Variants in RAMP1 observed in about 807,000 individuals in gnomAD.
RAMP1 encodes receptor activity-modifying protein 1.
A neutral mutation model predicts 8.2 loss-of-function variants in RAMP1; 7 were observed. The observed-to-expected ratio is 0.85, with a 90% CI of 0.49 to 1.60. The LOEUF is 1.60. RAMP1 is among the 40% of genes most tolerant of loss of function. The probability of loss-of-function intolerance (pLI) is 0.00; values close to 1 mark genes in which losing one functional copy is unlikely to be tolerated. For missense variants in RAMP1, 192 were observed against 202.4 expected (o/e 0.95, Z 0.31); for synonymous variants, 92 against 84.7 (o/e 1.09, Z -0.47).
chr2:237,909,615 C>T (rs1176681462), intron 2 of RAMP1, among the ~76,000 whole-genome samples: 1 of 152,140 alleles, frequency 6.6e-6, no homozygotes, highest in Admixed American at 6.6e-5. Flanking sequence ...GGGCTCTACC[C>T]ACGGCCAGTG....
chr2:237,860,924 A>T (rs2062127694), intron 1 of RAMP1, among the ~76,000 whole-genome samples: 1 of 152,146 alleles, frequency 6.6e-6, no homozygotes, highest in Admixed American at 6.5e-5. Context: ...GATATAATAT[A>T]ATCTGAAAGC....
chr2:237,897,442 C>T (rs34438095), intron 2 of RAMP1, among the ~76,000 whole-genome samples: 29,698 of 152,192 alleles, frequency 0.2, 3,361 homozygotes, highest in East Asian at 0.29. Context: ...TCCACAGCAG[C>T]GAGAACACTG....
chr2:237,868,099 A>G (rs970088376), intron 1 of RAMP1, among the ~76,000 whole-genome samples: 1 of 147,852 alleles, frequency 6.8e-6, no homozygotes, highest in Non-Finnish European at 1.5e-5. Flanking sequence ...GCTGGAGTGC[A>G]GTGGAGCGAT....
At chr2:237,907,510 C>T (rs1465414470) in intron 2 of RAMP1, among the ~76,000 whole-genome samples, 1 of 151,720 alleles carries the variant, frequency 6.6e-6, no homozygotes. Context: ...TTTTCCCTCA[C>T]TTTTTTTTCT....
At chr2:237,902,178 G>A (rs1184566992) in intron 2 of RAMP1, among the ~76,000 whole-genome samples, 4 of 152,080 alleles carry the variant, frequency 2.6e-5, no homozygotes, top group South Asian at 2.1e-4. Context: ...GTAAGGGCCC[G>A]GGGTCTTCAG....
At chr2:237,908,443 T>C (rs2062674988) in intron 2 of RAMP1, among the ~76,000 whole-genome samples, 1 of 72,160 alleles carries the variant, frequency 1.4e-5, no homozygotes, top group East Asian at 7.0e-4. Context: ...GGTGGTGTTT[T>C]TGAGACAGAG....
chr2:237,867,342 C>T (rs1015816616), intron 1 of RAMP1, among the ~76,000 whole-genome samples: 22 of 152,134 alleles, frequency 1.4e-4, no homozygotes, highest in African/African-American at 5.3e-4. Flanking sequence ...AGGGGTTGGT[C>T]TTGCTGTCTC....
chr2:237,910,451 A>G (rs999193713), intron 2 of RAMP1, among the ~76,000 whole-genome samples: 2 of 151,918 alleles, frequency 1.3e-5, no homozygotes, highest in African/African-American at 4.8e-5. Flanking sequence ...TCAGAGAATA[A>G]CAGTCACACA....
intron 1 of RAMP1, chr2:237,874,635 T>A (rs1335371113): frequency 1.0e-6 from 1 of 983,472 alleles, no homozygotes; most frequent in Non-Finnish European, 1.2e-6. Flanking sequence ...ACCCAATCTT[T>A]CCACTCCAGG....
intron 2 of RAMP1, among the ~76,000 whole-genome samples, chr2:237,886,001 C>G (rs2062427486): frequency 6.6e-6 from 1 of 152,176 alleles, no homozygotes; most frequent in Non-Finnish European, 1.5e-5. Context: ...GAGAAGGGGG[C>G]AGAGGAGGAG....
At chr2:237,904,420 A>C (rs1270470391) in intron 2 of RAMP1, among the ~76,000 whole-genome samples, 1 of 151,790 alleles carries the variant, frequency 6.6e-6, no homozygotes, top group Non-Finnish European at 1.5e-5. Flanking sequence ...CTCTGTCTCA[A>C]AAATAGAATA....
intron 2 of RAMP1, among the ~76,000 whole-genome samples, chr2:237,883,987 C>G (rs1027179339): frequency 6.7e-6 from 1 of 148,598 alleles, no homozygotes; most frequent in African/African-American, 2.5e-5. Context: ...CTTGGCTGCC[C>G]GGCATGGATC....
chr2:237,861,218 G>A (rs3769048), intron 1 of RAMP1, among the ~76,000 whole-genome samples: 3,812 of 152,132 alleles, frequency 0.025, 224 homozygotes, highest in East Asian at 0.23. Flanking sequence ...CTTGTTTACC[G>A]AGAAAACTAT....
intron 1 of RAMP1, among the ~76,000 whole-genome samples, chr2:237,871,805 G>A (rs2062248176): frequency 6.6e-6 from 1 of 152,108 alleles, no homozygotes; most frequent in South Asian, 2.1e-4. Context: ...AGGCTGCAGC[G>A]AGCCAAGAGA....
intron 2 of RAMP1, among the ~76,000 whole-genome samples, chr2:237,905,010 C>T (rs565879334): frequency 6.6e-6 from 1 of 152,226 alleles, no homozygotes; most frequent in African/African-American, 2.4e-5. Flanking sequence ...AGCAAGTAAC[C>T]ATGAACAGTG....
At position 237,897,123 on chromosome 2, in the gene RAMP1, G is replaced by A. The variant is rs139033883; in HGVS notation, c.192-14405G>A. Among the ~76,000 whole-genome samples, 314 of 152,282 alleles carry A rather than the reference G, an allele frequency of 2.1e-3. 2 individuals are homozygous for A. Among genetic ancestry groups the A allele is most frequent in the African/African-American group, 6.9e-3 (285 of 41,556 alleles). On this transcript the variant is annotated intron_variant, in intron 2 of 2. Transcript: ENST00000254661. Reference sequence around the variant, plus strand: ...CTCAGCTATCATGAGGTGTGCATCCGTCCAGGTGGACCCCAGAGCCCCGCA... The same window carrying A: ...CTCAGCTATCATGAGGTGTGCATCCATCCAGGTGGACCCCAGAGCCCCGCA...
At chr2:237,875,956 G>A (rs776017898) in intron 1 of RAMP1, among the ~76,000 whole-genome samples, 2 of 152,088 alleles carry the variant, frequency 1.3e-5, no homozygotes, top group African/African-American at 4.8e-5. Flanking sequence ...CCCCAGAAGC[G>A]GCCAAGTGCT....
chr2:237,879,053 ATGAGT>A (rs1048066847), intron 2 of RAMP1, among the ~76,000 whole-genome samples: 1 of 152,222 alleles, frequency 6.6e-6, no homozygotes, highest in South Asian at 2.1e-4. Context: ...AAGCTGAAAA[ATGAGT>A]TGAGTGGGAA....
chr2:237,884,389 C>T (rs901165846), intron 2 of RAMP1, among the ~76,000 whole-genome samples: 2 of 152,168 alleles, frequency 1.3e-5, no homozygotes, highest in Non-Finnish European at 2.9e-5. Context: ...TCATCGGGAA[C>T]TCTCATTTCC....
Sources: allele counts gnomAD v4.1 joint callset (sites outside exome capture counted in the v4.1 genomes callset), GRCh38; gene constraint gnomAD v4.1.1; transcripts MANE v1.5; gene names NCBI Gene and HGNC (gene_info 2026-07-23, HGNC 2026-07-21).